Variants in GRID2 observed in about 807,000 individuals in gnomAD.
GRID2 encodes the protein glutamate receptor ionotropic, delta-2.
Under a neutral mutation model 114.8 loss-of-function variants are expected in GRID2, and 33 were observed. That is an observed-to-expected ratio of 0.29 (90% confidence interval 0.22 to 0.38). GRID2 has a LOEUF of 0.38. Ranked by LOEUF, GRID2 falls within the 10% of genes least tolerant of loss-of-function variation. The pLI is 1.00. For missense variants in GRID2, 1,184 were observed against 1,257.7 expected (o/e 0.94, Z 0.89); for synonymous variants, 505 against 449.9 (o/e 1.12, Z -1.55).
At chr4:93,702,858 A>G (rs1220275192) in intron 14 of GRID2, among the ~76,000 whole-genome samples, 2 of 152,184 alleles carry the variant, frequency 1.3e-5, no homozygotes, top group African/African-American at 4.8e-5. Context: ...ACAGAAAATA[A>G]ATATAAATAC....
intron 11 of GRID2, among the ~76,000 whole-genome samples, chr4:93,463,636 C>T (rs781570723): frequency 2.6e-5 from 4 of 152,104 alleles, no homozygotes; most frequent in Non-Finnish European, 4.4e-5. Context: ...CTAAGAGACA[C>T]TAAAAAATTG....
intron 4 of GRID2, among the ~76,000 whole-genome samples, chr4:93,130,380 G>T (rs1364049508): frequency 6.6e-6 from 1 of 152,176 alleles, no homozygotes; most frequent in Non-Finnish European, 1.5e-5. Flanking sequence ...TGTCAAGGCT[G>T]CAGTGAGCCA....
intron 2 of GRID2, among the ~76,000 whole-genome samples, chr4:92,721,610 G>A (rs1735813402): frequency 6.6e-6 from 1 of 152,046 alleles, no homozygotes; most frequent in Non-Finnish European, 1.5e-5. Flanking sequence ...TATATAAGGA[G>A]TAGACAGAAT....
At chr4:93,077,684 A>G (rs1729458693) in intron 2 of GRID2, among the ~76,000 whole-genome samples, 1 of 152,178 alleles carries the variant, frequency 6.6e-6, no homozygotes, top group Non-Finnish European at 1.5e-5. Flanking sequence ...ACCAAATATG[A>G]CATTCTGCAC....
At chr4:93,020,370 GA>G (rs1486455915) in intron 2 of GRID2, among the ~76,000 whole-genome samples, 2 of 151,770 alleles carry the variant, frequency 1.3e-5, no homozygotes, top group Non-Finnish European at 2.9e-5. Context: ...AAAATTCTAT[GA>G]AAAAATGCAA....
chr4:92,646,627 C>T (rs1391313922), intron 2 of GRID2, among the ~76,000 whole-genome samples: 14 of 152,230 alleles, frequency 9.2e-5, no homozygotes, highest in Admixed American at 8.5e-4. Flanking sequence ...CTGGGGCTAA[C>T]AGTTTAATCC....
At chr4:93,334,575 A>C (rs913628432) in intron 8 of GRID2, among the ~76,000 whole-genome samples, 1 of 152,344 alleles carries the variant, frequency 6.6e-6, no homozygotes, top group East Asian at 1.9e-4. Context: ...GGACCCTGAT[A>C]ATGCTAACAT....
downstream of GRID2, among the ~76,000 whole-genome samples, chr4:93,775,616 T>G (rs993482219): frequency 2.0e-5 from 3 of 152,242 alleles, no homozygotes; most frequent in Non-Finnish European, 4.4e-5. Flanking sequence ...TTTGCAACAC[T>G]TAGACCAACC....
At chr4:92,699,816 C>T (rs1734584748) in intron 2 of GRID2, among the ~76,000 whole-genome samples, 1 of 152,084 alleles carries the variant, frequency 6.6e-6, no homozygotes, top group African/African-American at 2.4e-5. Flanking sequence ...GCCATATTAT[C>T]TTCTCAGATT....
At chr4:92,363,232 T>C (rs1191144104) in intron 1 of GRID2, among the ~76,000 whole-genome samples, 2 of 152,006 alleles carry the variant, frequency 1.3e-5, no homozygotes, top group African/African-American at 2.4e-5. Context: ...AGTCCCCCCA[T>C]GTGAATTGCT....
At chr4:92,787,867 AAGTG>A (rs1238833878) in intron 2 of GRID2, among the ~76,000 whole-genome samples, 2 of 151,790 alleles carry the variant, frequency 1.3e-5, no homozygotes, top group African/African-American at 4.8e-5. Flanking sequence ...CTATCTTTTG[AAGTG>A]AGTGTCATCA....
At chr4:92,338,896 ACT>A (rs1464352182) in intron 1 of GRID2, among the ~76,000 whole-genome samples, 2 of 152,052 alleles carry the variant, frequency 1.3e-5, no homozygotes, top group South Asian at 4.2e-4. Context: ...GCTGTTGGAC[ACT>A]CTTTATTTTA....
chr4:92,843,255 AATAAT>A (rs1276067993), intron 2 of GRID2, among the ~76,000 whole-genome samples: 1 of 151,998 alleles, frequency 6.6e-6, no homozygotes, highest in Non-Finnish European at 1.5e-5. Context: ...AAAAAAATAA[AATAAT>A]AAAATAAAAA....
At chr4:92,641,068 A>G (rs879319791) in intron 2 of GRID2, among the ~76,000 whole-genome samples, 2 of 151,756 alleles carry the variant, frequency 1.3e-5, no homozygotes, top group African/African-American at 2.4e-5. Flanking sequence ...TTCATAGCTG[A>G]TCTAATTTTG....
At chr4:93,025,681 T>A (rs1723819818) in intron 2 of GRID2, among the ~76,000 whole-genome samples, 1 of 151,736 alleles carries the variant, frequency 6.6e-6, no homozygotes, top group Non-Finnish European at 1.5e-5. Flanking sequence ...TTGCAGTAAG[T>A]AGCTTAAGAA....
chr4:93,523,760 C>G (rs1258645372), intron 13 of GRID2, among the ~76,000 whole-genome samples: 1 of 152,110 alleles, frequency 6.6e-6, no homozygotes, highest in African/African-American at 2.4e-5. Flanking sequence ...AGCTGAAAGT[C>G]TTGAGGGCAT....
chr4:92,874,639 G>T (rs1578362479), intron 2 of GRID2, among the ~76,000 whole-genome samples: 1 of 152,118 alleles, frequency 6.6e-6, no homozygotes, highest in Non-Finnish European at 1.5e-5. Context: ...TATGAGTAAA[G>T]GTTAGAATTT....
rs35406159 is a variant in GRID2 at position 93,234,646 on chromosome 4, C to CTT, written c.1126-3712_1126-3711dup. On this transcript the variant is annotated intron_variant, in intron 7 of 15. Transcript: ENST00000282020. ...CTAGATTCTTTGTATTTGTCGTCCTCTTTTTTTTTTTTTTGCATCTTGTAT... is the reference window on the plus strand; with the variant it reads ...CTAGATTCTTTGTATTTGTCGTCCTCTTTTTTTTTTTTTTTTGCATCTTGTAT... Among the ~76,000 whole-genome samples, 1,085 of 142,290 alleles carry CTT rather than the reference C, an allele frequency of 7.6e-3. 10 individuals are homozygous for CTT. Among genetic ancestry groups the CTT allele is most frequent in the African/African-American group, 0.022 (851 of 38,670 alleles). 93.3% of individuals were successfully genotyped at this position (142,290 alleles called of 152,430 possible).
intron 4 of GRID2, among the ~76,000 whole-genome samples, chr4:93,183,134 T>C (rs1372164418): frequency 6.6e-6 from 1 of 152,148 alleles, no homozygotes; most frequent in Non-Finnish European, 1.5e-5. Flanking sequence ...TCCTAAAATT[T>C]AGTTGCCTGA....
Sources: allele counts gnomAD v4.1 joint callset (sites outside exome capture counted in the v4.1 genomes callset), GRCh38; gene constraint gnomAD v4.1.1; transcripts MANE v1.5; gene names NCBI Gene and HGNC (gene_info 2026-07-23, HGNC 2026-07-21).